The following BLTP1 variants were observed in gnomAD, a reference collection of about 807,000 sequenced individuals.
BLTP1 encodes the protein bridge-like lipid transfer protein family member 1.
the BLTP1 span, chr4:122,305,894 T>C: frequency 1.7e-4 from 279 of 1,594,606 alleles, no homozygotes; most frequent in East Asian, 6.2e-3. Flanking sequence ...AGGAAGCTGG[T>C]TCTGATTTTC....
the BLTP1 span, chr4:122,324,673 G>A: frequency 1.7e-6 from 1 of 602,410 alleles, no homozygotes; most frequent in African/African-American, 1.9e-5. Context: ...AATAACAGTG[G>A]ATACTATCAA....
At chr4:122,328,394 T>G in the BLTP1 span, 1 of 1,558,486 alleles carries the variant, frequency 6.4e-7, no homozygotes. Flanking sequence ...ATGTAGTATT[T>G]CAGAATCTAG....
the BLTP1 span, among the ~76,000 whole-genome samples, chr4:122,341,057 T>C: frequency 6.6e-6 from 1 of 152,168 alleles, no homozygotes; most frequent in Admixed American, 6.5e-5. Context: ...GGCTATAAGA[T>C]ATTCCATTGT....
At chr4:122,245,191 T>G in the BLTP1 span, 2 of 1,479,368 alleles carry the variant, frequency 1.4e-6, no homozygotes, top group Non-Finnish European at 1.9e-6. Flanking sequence ...TTTATCATGG[T>G]TACAGAATAT....
the BLTP1 span, chr4:122,352,985 C>T: frequency 3.7e-6 from 6 of 1,613,854 alleles, no homozygotes; most frequent in Non-Finnish European, 5.1e-6. Flanking sequence ...TTTCAGATTC[C>T]ATTACCAGAA....
chr4:122,225,537 A>C, the BLTP1 span: 1 of 152,170 alleles, frequency 6.6e-6, no homozygotes, highest in Non-Finnish European at 1.5e-5. Flanking sequence ...TAGTAGCAAC[A>C]AGAAAGTAAT....
At chr4:122,238,149 T>C in the BLTP1 span, 1 of 1,613,820 alleles carries the variant, frequency 6.2e-7, no homozygotes, top group Non-Finnish European at 8.5e-7. Context: ...GGAATAGAAG[T>C]AGAGAGAAAA....
chr4:122,252,109 C>T, the BLTP1 span, among the ~76,000 whole-genome samples: 1 of 152,328 alleles, frequency 6.6e-6, no homozygotes, highest in Admixed American at 6.5e-5. Flanking sequence ...CAATCACCTG[C>T]TGACTAAAGA....
At chr4:122,300,881 A>G in the BLTP1 span, 3 of 970,430 alleles carry the variant, frequency 3.1e-6, no homozygotes, top group Non-Finnish European at 3.7e-6. Context: ...ATATTAAGAT[A>G]TTAGAACATT....
At chr4:122,220,334 A>G in the BLTP1 span, 2 of 1,612,728 alleles carry the variant, frequency 1.2e-6, no homozygotes, top group South Asian at 1.1e-5. Flanking sequence ...TGACTGTAGC[A>G]TGGAACTACT....
chr4:122,205,225 T>A, the BLTP1 span, among the ~76,000 whole-genome samples: 1 of 151,848 alleles, frequency 6.6e-6, no homozygotes, highest in Non-Finnish European at 1.5e-5. Context: ...ATTTCACAGT[T>A]TTACCTGTAA....
the BLTP1 span, among the ~76,000 whole-genome samples, chr4:122,342,888 T>A: frequency 6.6e-6 from 1 of 152,228 alleles, no homozygotes; most frequent in Non-Finnish European, 1.5e-5. Flanking sequence ...GGTCTCATAT[T>A]TTTTATGTTT....
At chr4:122,187,052 T>G in the BLTP1 span, 11 of 985,006 alleles carry the variant, frequency 1.1e-5, no homozygotes, top group Non-Finnish European at 1.2e-5. Context: ...AAGTGACTTG[T>G]ACCTTAATCA....
the BLTP1 span, chr4:122,287,551 CT>C: frequency 1.0e-6 from 1 of 985,010 alleles, no homozygotes; most frequent in Non-Finnish European, 1.2e-6. Context: ...CTCAGCTTAC[CT>C]TGTCAGTTTG....
the BLTP1 span, chr4:122,277,663 T>C: frequency 3.1e-6 from 3 of 972,904 alleles, no homozygotes; most frequent in East Asian, 3.4e-4. Context: ...GAATCAGACT[T>C]TTATCATTTG....
chr4:122,254,418 A>G, the BLTP1 span: 2 of 1,375,648 alleles, frequency 1.5e-6, no homozygotes, highest in Non-Finnish European at 9.9e-7. Context: ...ATTCTGTTTC[A>G]TATTTTTAAA....
the BLTP1 span, chr4:122,214,474 T>C: frequency 3.2e-6 from 3 of 947,630 alleles, no homozygotes; most frequent in East Asian, 3.5e-4. Flanking sequence ...TAAAATGAAA[T>C]TGAAAGTTTT....
chr4:122,197,115 C>G, the BLTP1 span: 8 of 757,954 alleles, frequency 1.1e-5, no homozygotes, highest in South Asian at 2.3e-5. Flanking sequence ...ATAATTTCTT[C>G]TGTAATAATA....
the BLTP1 span, chr4:122,250,267 AAT>A: frequency 7.7e-7 from 1 of 1,296,222 alleles, no homozygotes; most frequent in Non-Finnish European, 1.0e-6. Context: ...GTGAGAAAAA[AAT>A]AGTCTTTATG....
Sources: gnomAD v4.1 joint callset for allele counts (sites outside exome capture counted in the v4.1 genomes callset) on GRCh38, gnomAD v4.1.1 for gene constraint, MANE v1.5 for transcripts, NCBI Gene and HGNC (gene_info 2026-07-23, HGNC 2026-07-21) for gene names.